Variants in TPM3 observed in about 807,000 individuals in gnomAD.
TPM3 encodes tropomyosin alpha-3 chain.
In TPM3, 16 loss-of-function variants were observed where a neutral mutation model predicts 43.1. That is an observed-to-expected ratio of 0.37 (90% CI 0.25 to 0.56). TPM3 has a LOEUF of 0.56. Among genes scored for constraint, TPM3 ranks in the 20% least tolerant of loss-of-function variants. TPM3 has a pLI of 0.77. For synonymous variants in TPM3, 101 were observed against 116.9 expected (o/e 0.86, Z 0.88); for missense variants, 176 against 337.2 (o/e 0.52, Z 3.74).
At chr1:154,175,045 G>C (rs1208295885) in intron 3 of TPM3, among the ~76,000 whole-genome samples, 1 of 151,910 alleles carries the variant, frequency 6.6e-6, no homozygotes, top group African/African-American at 2.4e-5. Flanking sequence ...AAATTAGCTG[G>C]GGAAGGCCGG....
intron 3 of TPM3, among the ~76,000 whole-genome samples, chr1:154,173,783 A>C (rs1042466658): frequency 6.6e-6 from 1 of 152,090 alleles, no homozygotes; most frequent in Non-Finnish European, 1.5e-5. Flanking sequence ...TGAGGTCAGG[A>C]GTTCGAGACC....
chr1:154,166,785 G>A lies in TPM3; in HGVS notation c.*1152C>T, dbSNP rs535068015. ...CAACCTCCGCCTCCCAGGTGCAAGC[G>A]ATTCTCCTGCCTCAGCCTCCCGAGT... On this transcript the variant is annotated 3_prime_UTR_variant, in exon 10 of 10. Coordinates refer to ENST00000651641, the MANE Select transcript of TPM3 (RefSeq NM_152263.4). 177 of 709,644 alleles carry A rather than the reference G, an allele frequency of 2.5e-4. 1 individual carries two copies. The South Asian group carries it at 0.01, about 41-fold the overall frequency. The allele number at this position is 709,644 out of a possible 1,614,324, so 44.0% of individuals were successfully genotyped here.
chr1:154,187,498 A>T, intron 2 of TPM3: 1 of 984,690 alleles, frequency 1.0e-6, no homozygotes, highest in Non-Finnish European at 1.2e-6. Flanking sequence ...TTACATATTT[A>T]AATGGGTTTT....
Position 154,170,482 on chromosome 1 carries a change from T to G in TPM3, c.706-13A>C. On this transcript the variant is annotated splice_polypyrimidine_tract_variant and intron_variant, in intron 7 of 9. Transcript: ENST00000651641. ...CACGGGTCTCTGCCTGGGGGAAATA[T>G]GAAATTAGTCAGAACCAGAGATGAA... The G allele has an allele frequency of 1.2e-6, 2 of 1,614,162 alleles. No homozygotes were observed. Among genetic ancestry groups the G allele is most frequent in the Non-Finnish European group, 1.7e-6 (2 of 1,179,998 alleles).
intron 8 of TPM3, 152 bp from the exon 9 acceptor site, chr1:154,169,535 T>G (rs1661350043): frequency 4.0e-6 from 3 of 745,258 alleles, no homozygotes; most frequent in Non-Finnish European, 6.9e-6. Context: ...CAACCATGAC[T>G]GGACATTTTC....
chr1:154,190,893 C>G (rs1663651796), intron 2 of TPM3, among the ~76,000 whole-genome samples: 1 of 152,126 alleles, frequency 6.6e-6, no homozygotes, highest in Admixed American at 6.5e-5. Context: ...TTAGAGTCCC[C>G]TCTCTTTGTC....
Position 154,166,523 on chromosome 1 carries a change from G to A in TPM3, c.*1414C>T. 1 of 1,056,542 alleles carries A rather than the reference G, an allele frequency of 9.5e-7. No individual in the cohort carries two copies. Among genetic ancestry groups the A allele is most frequent in the South Asian group, 4.6e-5 (1 of 21,926 alleles). 65.4% of individuals were successfully genotyped at this position (1,056,542 alleles called of 1,614,324 possible). A position where few individuals can be genotyped will look rare whatever the true frequency, so the allele number is the denominator to read the frequency against. On this transcript the variant is annotated 3_prime_UTR_variant, in exon 10 of 10. Transcript: ENST00000651641. ...TCAGCCTCCCAAGAAGCTACAGGCA[G>A]TACAGGCAAGTGCCATTGCACCCAG...
At chr1:154,169,595 A>T in intron 8 of TPM3, 1 of 608,446 alleles carries the variant, frequency 1.6e-6, no homozygotes, top group South Asian at 2.0e-5. Context: ...CTCCAAATCG[A>T]CTGCAGCAAG....
At chr1:154,158,967 C>T (rs1394932766), downstream of TPM3, 1 of 780,470 alleles carries the variant, frequency 1.3e-6, no homozygotes, top group Non-Finnish European at 2.4e-6. Flanking sequence ...GAGCCCTGCC[C>T]ATCAGTCACA....
At chr1:154,173,340 C>A (rs1244475530) in intron 3 of TPM3, 139 bp from the exon 4 acceptor site, 3 of 751,464 alleles carry the variant, frequency 4.0e-6, no homozygotes, top group South Asian at 1.5e-5. Flanking sequence ...TGTTACTACT[C>A]CCACACCTTA....
chr1:154,160,464 T>C (rs1249928068), downstream of TPM3, among the ~76,000 whole-genome samples: 1 of 152,118 alleles, frequency 6.6e-6, no homozygotes, highest in African/African-American at 2.4e-5. Flanking sequence ...AGCATATATG[T>C]GTAAAAAGCC....
intron 2 of TPM3, among the ~76,000 whole-genome samples, chr1:154,182,738 G>A (rs961521888): frequency 1.3e-5 from 2 of 152,030 alleles, no homozygotes; most frequent in Admixed American, 6.6e-5. Flanking sequence ...AAAAGAGGAG[G>A]AAAGCCACAC....
intron 2 of TPM3, chr1:154,183,276 C>G: frequency 6.6e-7 from 1 of 1,514,854 alleles, no homozygotes; most frequent in African/African-American, 1.4e-5. Context: ...CTCCCACCGC[C>G]AGGCAGGCGG....
chr1:154,155,634 CTTG>C (rs138182436), downstream of TPM3: 341 of 233,680 alleles, frequency 1.5e-3, 2 homozygotes, highest in African/African-American at 6.9e-3. Flanking sequence ...CTTGAGAGCA[CTTG>C]TTGTTTTCTC....
intron 2 of TPM3, among the ~76,000 whole-genome samples, chr1:154,179,856 C>T (rs753419651): frequency 1.3e-5 from 2 of 151,910 alleles, no homozygotes; most frequent in African/African-American, 2.4e-5. Context: ...TGTGAGCCAC[C>T]GCACCCAGCC....
rs1660706688 is a variant in TPM3 at position 154,164,160 on chromosome 1, C to T, written c.*3777G>A. The stretch of plus-strand genomic sequence containing the variant: ...TGATCTCCCTACATCTTTAACCCCA[C>T]CACTTTCCTACTCTTTTTTTGGGGG... On this transcript the variant is annotated 3_prime_UTR_variant, in exon 10 of 10. Transcript: ENST00000651641. Among the ~76,000 whole-genome samples the T allele has an allele frequency of 6.6e-6, 1 of 151,976 alleles. No individual in the cohort carries two copies. Among genetic ancestry groups the T allele is most frequent in the African/African-American group, 2.4e-5 (1 of 41,372 alleles).
chr1:154,156,317 GAA>G (rs1313324522), downstream of TPM3: 1 of 184,108 alleles, frequency 5.4e-6, no homozygotes, highest in Non-Finnish European at 1.2e-5. Flanking sequence ...CTTCTGTGGA[GAA>G]AGCACATTTA....
chr1:154,186,090 T>C (rs1182457207), intron 2 of TPM3, among the ~76,000 whole-genome samples: 1 of 151,582 alleles, frequency 6.6e-6, no homozygotes, highest in East Asian at 1.9e-4. Flanking sequence ...TAGATAATAA[T>C]TTTCTCAATA....
intron 1 of TPM3, 105 bp from the exon 2 acceptor site, chr1:154,191,416 C>G: frequency 6.4e-7 from 1 of 1,570,346 alleles, no homozygotes; most frequent in South Asian, 1.1e-5. Flanking sequence ...GTTACCATCC[C>G]TAGTGAGACA....
Sources: allele counts gnomAD v4.1 joint callset (sites outside exome capture counted in the v4.1 genomes callset), GRCh38; gene constraint gnomAD v4.1.1; transcripts MANE v1.5; gene names NCBI Gene and HGNC (gene_info 2026-07-23, HGNC 2026-07-21).